Variants in ZNF618 observed in about 807,000 individuals in gnomAD.
The protein encoded by ZNF618 is zinc finger protein 618, also known as neural precursor cell expressed, developmentally down-regulated 10.
ZNF618 carries 34 observed loss-of-function variants against 103.0 expected under a neutral mutation model. That is an observed-to-expected ratio of 0.33 (90% confidence interval 0.25 to 0.44). The LOEUF is 0.44. Among genes scored for constraint, ZNF618 ranks in the 20% least tolerant of loss-of-function variants. The pLI is 1.00. For synonymous variants in ZNF618, 551 were observed against 542.2 expected, an observed-to-expected ratio of 1.02 and a Z score of -0.23; for missense variants, 1,059 against 1,295.4, an observed-to-expected ratio of 0.82 and a Z score of 2.80.
intron 2 of ZNF618, among the ~76,000 whole-genome samples, chr9:113,976,413 G>A (rs1838471280): frequency 6.6e-6 from 1 of 152,166 alleles, no homozygotes; most frequent in African/African-American, 2.4e-5. Context: ...GCTTCTTGAG[G>A]CCTTTAATAA....
chr9:113,928,391 A>G (rs1178307290), intron 1 of ZNF618, among the ~76,000 whole-genome samples: 1 of 152,208 alleles, frequency 6.6e-6, no homozygotes, highest in Non-Finnish European at 1.5e-5. Context: ...TGACAGTTCC[A>G]AAGTCTGTGT....
At chr9:113,925,802 C>A (rs763272383) in intron 1 of ZNF618, among the ~76,000 whole-genome samples, 1 of 152,126 alleles carries the variant, frequency 6.6e-6, no homozygotes, top group Non-Finnish European at 1.5e-5. Flanking sequence ...CAATTCTTCC[C>A]TCCCTTCCCT....
At chr9:114,040,288 C>T (rs1845030721) in intron 13 of ZNF618, among the ~76,000 whole-genome samples, 2 of 150,630 alleles carry the variant, frequency 1.3e-5, no homozygotes, top group South Asian at 2.1e-4. Context: ...AGGGTTTTCA[C>T]ATCTCTGTAC....
chr9:114,025,835 A>T (rs1034248325), intron 10 of ZNF618, among the ~76,000 whole-genome samples: 1 of 152,152 alleles, frequency 6.6e-6, no homozygotes, highest in Non-Finnish European at 1.5e-5. Flanking sequence ...AGCAGTTCTG[A>T]CTTTAAATTT....
In ZNF618 at chr9:114,048,031, C is replaced by T. The variant is rs780707131; in HGVS notation, c.1348+37C>T. 2.3e-5 allele frequency: 34 copies of T among 1,510,640 alleles called. No individual in the cohort carries two copies. The African/African-American group carries it at 3.6e-4, about 16-fold the overall frequency. The allele number at this position is 1,510,640 out of a possible 1,614,324, so 93.6% of individuals were successfully genotyped here. On this transcript the variant is annotated intron_variant, in intron 14 of 14. Coordinates refer to ENST00000374126, the MANE Select transcript of ZNF618 (RefSeq NM_001318042.2). Reference sequence around the variant, plus strand: ...CAAGCAGGGCTGGACCTGAGGGTCCCCTTATGCTCCAGTTGTTCCTCTCTG... The same window carrying T: ...CAAGCAGGGCTGGACCTGAGGGTCCTCTTATGCTCCAGTTGTTCCTCTCTG...
chr9:114,009,105 G>A (rs1344300233), intron 9 of ZNF618, among the ~76,000 whole-genome samples: 5 of 152,190 alleles, frequency 3.3e-5, no homozygotes, highest in Non-Finnish European at 7.3e-5. Flanking sequence ...TGATAAACTT[G>A]TATTGAGTGT....
intron 9 of ZNF618, among the ~76,000 whole-genome samples, chr9:114,012,280 G>A (rs1392395682): frequency 2.0e-5 from 3 of 152,232 alleles, no homozygotes; most frequent in African/African-American, 7.2e-5. Context: ...AGATCAGGGT[G>A]CCAGCATGGC....
chr9:113,967,787 G>A (rs1281962153), intron 1 of ZNF618, among the ~76,000 whole-genome samples: 1 of 5,778 alleles, frequency 1.7e-4, no homozygotes, highest in Non-Finnish European at 4.3e-4. Context: ...GGGACCAGAC[G>A]GGCTGGGTGA....
intron 1 of ZNF618, among the ~76,000 whole-genome samples, chr9:113,917,970 C>T (rs1832278000): frequency 6.6e-6 from 1 of 152,154 alleles, no homozygotes; most frequent in Non-Finnish European, 1.5e-5. Context: ...TCACCAATGG[C>T]CCCATTAATG....
At chr9:113,979,257 A>G (rs1564247619) in intron 2 of ZNF618, among the ~76,000 whole-genome samples, 1 of 152,074 alleles carries the variant, frequency 6.6e-6, no homozygotes, top group Non-Finnish European at 1.5e-5. Flanking sequence ...GGGAGCAGCC[A>G]CCCTGTCGCC....
At chr9:113,971,080 C>G (rs1393741528) in intron 2 of ZNF618, among the ~76,000 whole-genome samples, 4 of 151,078 alleles carry the variant, frequency 2.6e-5, no homozygotes, top group Non-Finnish European at 5.9e-5. Context: ...TAGCCAGCAG[C>G]TGCCCAGCGT....
intron 2 of ZNF618, among the ~76,000 whole-genome samples, chr9:113,980,821 G>A (rs1298301495): frequency 6.6e-6 from 1 of 152,166 alleles, no homozygotes; most frequent in African/African-American, 2.4e-5. Flanking sequence ...GCTGCTAGAG[G>A]CAGAGTCCGA....
chr9:113,945,987 T>C (rs1387378920), intron 1 of ZNF618, among the ~76,000 whole-genome samples: 1 of 152,222 alleles, frequency 6.6e-6, no homozygotes, highest in Non-Finnish European at 1.5e-5. Context: ...CTGGCGGCTT[T>C]GCTGAAATGC....
chr9:113,977,464 G>A (rs190433033), intron 2 of ZNF618, among the ~76,000 whole-genome samples: 73 of 152,298 alleles, frequency 4.8e-4, no homozygotes, highest in African/African-American at 1.7e-3. Context: ...TAGTGGTTGA[G>A]CTCCCTGACT....
At chr9:113,898,896 G>A (rs569554162) in intron 1 of ZNF618, among the ~76,000 whole-genome samples, 2 of 152,304 alleles carry the variant, frequency 1.3e-5, no homozygotes, top group South Asian at 4.1e-4. Flanking sequence ...TGGTAGGATT[G>A]TGGGGTGGGT....
rs1002731008 is a variant in ZNF618, at chr9:113,942,562, C to T, written c.34-26555C>T. 2.6e-5 allele frequency among the ~76,000 whole-genome samples: 4 copies of T among 152,196 alleles called. No individual in the cohort carries two copies. The South Asian group carries it at 6.2e-4, about 24-fold the overall frequency. ...CATAGCCACTCTACTGGGCTGTAAG[C>T]TCACCTGTGTTTCCCCAGGCACTGC... On this transcript the variant is annotated intron_variant, in intron 1 of 14. Coordinates refer to ENST00000374126, the MANE Select transcript of ZNF618 (RefSeq NM_001318042.2).
At chr9:113,965,529 A>G (rs1181282658) in intron 1 of ZNF618, among the ~76,000 whole-genome samples, 1 of 152,124 alleles carries the variant, frequency 6.6e-6, no homozygotes, top group Non-Finnish European at 1.5e-5. Context: ...CCTTCACCCC[A>G]GCTTTACGAG....
At chr9:114,010,083 G>A (rs1361071494) in intron 9 of ZNF618, among the ~76,000 whole-genome samples, 1 of 152,150 alleles carries the variant, frequency 6.6e-6, no homozygotes, top group Admixed American at 6.5e-5. Flanking sequence ...GCCAAGATGG[G>A]CGGATCACCT....
intron 9 of ZNF618, among the ~76,000 whole-genome samples, chr9:114,008,848 C>T (rs567440278): frequency 6.6e-6 from 1 of 152,204 alleles, no homozygotes; most frequent in East Asian, 1.9e-4. Context: ...GAACCTCAGC[C>T]TCCCCACCTG....
Sources: allele counts gnomAD v4.1 joint callset (sites outside exome capture counted in the v4.1 genomes callset), GRCh38; gene constraint gnomAD v4.1.1; transcripts MANE v1.5; gene names NCBI Gene and HGNC (gene_info 2026-07-23, HGNC 2026-07-21).